Variants in CA13 observed in about 807,000 individuals in gnomAD.
The protein encoded by CA13 is carbonic anhydrase 13, also known as CA-XIII.
A neutral mutation model predicts 31.5 loss-of-function variants in CA13; 21 were observed. That is an observed-to-expected ratio of 0.67 (90% CI 0.47 to 0.96). The LOEUF (loss-of-function observed/expected upper bound fraction) is 0.96, where lower values mean the gene tolerates loss of function less well. CA13 is among the 40% of genes least tolerant of loss of function. The pLI is 0.00. For synonymous variants in CA13, 117 were observed against 111.4 expected, an observed-to-expected ratio of 1.05 and a Z score of -0.32; for missense variants, 315 against 318.9, an observed-to-expected ratio of 0.99 and a Z score of 0.09.
chr8:85,245,948 A>C, intron 1 of CA13, 83 bp downstream of exon 1: 1 of 1,493,156 alleles, frequency 6.7e-7, no homozygotes, highest in Non-Finnish European at 9.3e-7. Flanking sequence ...CGCTGACCAC[A>C]CACTGGGCTC....
intron 6 of CA13, among the ~76,000 whole-genome samples, chr8:85,278,265 CAAAAAAAAA>C (rs1012685036): frequency 2.6e-5 from 2 of 76,970 alleles, no homozygotes; most frequent in Non-Finnish European, 2.4e-5. Flanking sequence ...GACTCTATCT[CAAAAAAAAA>C]AAAAAAAAAA....
chr8:85,275,245 G>A (rs1160586672), intron 6 of CA13, among the ~76,000 whole-genome samples: 2 of 152,134 alleles, frequency 1.3e-5, no homozygotes, highest in Non-Finnish European at 2.9e-5. Flanking sequence ...TGACTGTTAG[G>A]GTTTGGTGAC....
chr8:85,273,918 G>A (rs374341608), intron 6 of CA13, among the ~76,000 whole-genome samples: 8 of 152,128 alleles, frequency 5.3e-5, no homozygotes, highest in East Asian at 2.0e-4. Context: ...GACAGGGCAG[G>A]CAGGCGTTTT....
intron 1 of CA13, among the ~76,000 whole-genome samples, chr8:85,247,747 T>G (rs1195647107): frequency 6.6e-6 from 1 of 152,054 alleles, no homozygotes; most frequent in African/African-American, 2.4e-5. Context: ...ATTTTTGTAT[T>G]TTTAGTAGAG....
At chr8:85,263,045 A>G (rs945161655) in intron 3 of CA13, among the ~76,000 whole-genome samples, 1 of 152,172 alleles carries the variant, frequency 6.6e-6, no homozygotes, top group Non-Finnish European at 1.5e-5. Flanking sequence ...CTTTGAGGTG[A>G]TACATGAGTT....
chr8:85,263,466 G>A (rs1807413567), intron 3 of CA13, among the ~76,000 whole-genome samples: 1 of 152,216 alleles, frequency 6.6e-6, no homozygotes, highest in East Asian at 1.9e-4. Context: ...AGTCATTCAA[G>A]TGAGCAGTGA....
In CA13 at chr8:85,259,486, G is replaced by A. The variant is rs746847065; in HGVS notation, c.301G>A (p.Ala101Thr). 15 of 1,613,834 alleles carry A rather than the reference G, an allele frequency of 9.3e-6. No individual in the cohort carries two copies. Among genetic ancestry groups the A allele is most frequent in the East Asian group, 8.9e-5 (4 of 44,892 alleles). ...GCAGGTTCACCTTCACTGGGGGTCC[G>A]CTGATGACCACGGCTCCGAGCACAT... ...LRQVHLHWGS[A>T]DDHGSEHIVD... The change falls in exon 3 of 7, where the codon GCT becomes ACT. Residue 101 changes from alanine (A) to threonine (T), a missense_variant. Coordinates refer to ENST00000321764, the MANE Select transcript of CA13 (RefSeq NM_198584.3).
At chr8:85,252,016 G>A (rs572723446) in intron 2 of CA13, among the ~76,000 whole-genome samples, 21 of 152,284 alleles carry the variant, frequency 1.4e-4, no homozygotes, top group African/African-American at 4.6e-4. Context: ...CCAGCACTTT[G>A]GGAGGCTGAG....
intron 2 of CA13, among the ~76,000 whole-genome samples, chr8:85,253,466 T>TGTTA (rs1807231039): frequency 1.3e-5 from 2 of 151,824 alleles, no homozygotes; most frequent in Middle Eastern, 3.4e-3. Flanking sequence ...GGTTTTGCCA[T>TGTTA]ATTGCCCAGG....
chr8:85,254,821 T>TA (rs1270685264), intron 2 of CA13, among the ~76,000 whole-genome samples: 1 of 146,814 alleles, frequency 6.8e-6, no homozygotes, highest in Admixed American at 7.0e-5. Flanking sequence ...TGGTAAACTA[T>TA]AAAAAACACA....
chr8:85,266,919 TAGCAGCA>T (rs1807465601), intron 4 of CA13, among the ~76,000 whole-genome samples: 1 of 152,204 alleles, frequency 6.6e-6, no homozygotes, highest in African/African-American at 2.4e-5. Flanking sequence ...TGAATAACAA[TAGCAGCA>T]TCAACATCAA....
In CA13 at chr8:85,274,132, G is replaced by A. The variant is rs941116287; in HGVS notation, c.669+5505G>A. On this transcript the variant is annotated intron_variant, in intron 6 of 6. Coordinates refer to ENST00000321764, the MANE Select transcript of CA13 (RefSeq NM_198584.3). ...AGGAGGGAGGAGTTATTCACCCCCT[G>A]CCCAGCTTTCAGGTCCCGGGGAGAA... Among the ~76,000 whole-genome samples the A allele has an allele frequency of 2.0e-5, 3 of 152,206 alleles. No individual in the cohort carries two copies. In the East Asian group the frequency reaches 5.8e-4, roughly 30 times the overall value.
At position 85,245,544 on chromosome 8, in the gene CA13, TTCTC is replaced by T; in HGVS notation, c.-280_-277del. ...GGCAGGAGATCCCCCCCGGAAACCTTTCTCTCTCCGTCTCTCCCTCTAACTCAAA... is the reference window on the plus strand; with the variant it reads ...GGCAGGAGATCCCCCCCGGAAACCTTTCTCCGTCTCTCCCTCTAACTCAAA... On this transcript the variant is annotated 5_prime_UTR_variant, in exon 1 of 7. Transcript: ENST00000321764. 2.2e-6 allele frequency: 1 copy of T among 450,030 alleles called. No homozygotes were observed. The highest frequency in any genetic ancestry group is 2.7e-5 in the South Asian group (1 of 36,500). 27.9% of individuals were successfully genotyped at this position (450,030 alleles called of 1,614,324 possible). A position where few individuals can be genotyped will look rare whatever the true frequency, so the allele number is the denominator to read the frequency against.
intron 6 of CA13, among the ~76,000 whole-genome samples, chr8:85,275,910 G>A (rs1807595467): frequency 6.6e-6 from 1 of 152,346 alleles, no homozygotes; most frequent in Admixed American, 6.5e-5. Context: ...GGCAGTCCTC[G>A]CAGCCCTTGC....
At chr8:85,246,171 G>A (rs1813726377) in intron 1 of CA13, 1 of 528,036 alleles carries the variant, frequency 1.9e-6, no homozygotes, top group Non-Finnish European at 3.4e-6. Flanking sequence ...ACTTTGCCTA[G>A]TAACAGCCAC....
chr8:85,269,449 T>C (rs1311862858), intron 6 of CA13, among the ~76,000 whole-genome samples: 3 of 152,148 alleles, frequency 2.0e-5, no homozygotes, highest in African/African-American at 7.2e-5. Context: ...AAAAAAAATT[T>C]TTTTTGTTAA....
At chr8:85,270,478 GA>G (rs1407560746) in intron 6 of CA13, among the ~76,000 whole-genome samples, 1 of 152,176 alleles carries the variant, frequency 6.6e-6, no homozygotes, top group Non-Finnish European at 1.5e-5. Flanking sequence ...AAACTCCTGT[GA>G]ATTTTTTCTA....
At chr8:85,269,548 A>G (rs1587542893) in intron 6 of CA13, among the ~76,000 whole-genome samples, 1 of 152,228 alleles carries the variant, frequency 6.6e-6, no homozygotes, top group East Asian at 1.9e-4. Flanking sequence ...GAGAGGAGGA[A>G]TTGTTGATCT....
chr8:85,268,092 G>A (rs1162098768), intron 5 of CA13, 128 bp downstream of exon 5: 3 of 595,850 alleles, frequency 5.0e-6, no homozygotes, highest in African/African-American at 3.8e-5. Flanking sequence ...AAAAAAAGCA[G>A]AAGTAACCTA....
Sources: gnomAD v4.1 joint callset for allele counts (sites outside exome capture counted in the v4.1 genomes callset) on GRCh38, gnomAD v4.1.1 for gene constraint, MANE v1.5 for transcripts, NCBI Gene and HGNC (gene_info 2026-07-23, HGNC 2026-07-21) for gene names.